LAMB4: variants seen among roughly 807,000 people sequenced by gnomAD.
LAMB4 encodes the protein laminin subunit beta-4.
Under a neutral mutation model 199.2 loss-of-function variants are expected in LAMB4, and 196 were observed. That is an observed-to-expected ratio of 0.98 (90% CI 0.88 to 1.11). The LOEUF (loss-of-function observed/expected upper bound fraction) is 1.11. Among genes scored for constraint, LAMB4 ranks in the 50% least tolerant of loss-of-function variants. The pLI, the probability that LAMB4 is intolerant of heterozygous loss-of-function variation, is 0.00. For synonymous variants in LAMB4, 744 were observed against 770.6 expected (o/e 0.97, Z 0.57); for missense variants, 2,080 against 2,171.2 (o/e 0.96, Z 0.83).
intron 3 of LAMB4, among the ~76,000 whole-genome samples, chr7:108,113,108 G>A (rs1020126362): frequency 6.6e-6 from 1 of 152,104 alleles, no homozygotes; most frequent in Non-Finnish European, 1.5e-5. Context: ...TCATTTCAAA[G>A]AGCCTTTCCC....
At chr7:108,099,348 G>A (rs761608763) in intron 10 of LAMB4, among the ~76,000 whole-genome samples, 2 of 152,196 alleles carry the variant, frequency 1.3e-5, no homozygotes, top group Non-Finnish European at 2.9e-5. Flanking sequence ...CTCAAGGATG[G>A]TGTGTCATAT....
Position 108,057,932 on chromosome 7 carries a change from T to G in LAMB4, c.3283-4A>C. 3 of 1,605,544 alleles carry G rather than the reference T, an allele frequency of 1.9e-6. No individual in the cohort carries two copies. Among genetic ancestry groups the G allele is most frequent in the South Asian group, 1.1e-5 (1 of 90,892 alleles). Reference sequence around the variant, plus strand: ...TACACGGACACTGGCCTGTAAGCTGTGAGAACAGTCATGGGTGAGGAATTG... The same window carrying G: ...TACACGGACACTGGCCTGTAAGCTGGGAGAACAGTCATGGGTGAGGAATTG... On this transcript the variant is annotated splice_polypyrimidine_tract_variant and splice_region_variant and intron_variant, in intron 23 of 33. Coordinates refer to ENST00000388781, the MANE Select transcript of LAMB4 (RefSeq NM_007356.3).
intron 17 of LAMB4, among the ~76,000 whole-genome samples, chr7:108,076,203 C>T (rs1018486959): frequency 6.6e-6 from 1 of 151,794 alleles, no homozygotes; most frequent in African/African-American, 2.4e-5. Context: ...CTTATATGAC[C>T]AGGAGTAGGG....
intron 31 of LAMB4, among the ~76,000 whole-genome samples, chr7:108,032,441 T>A (rs1322808289): frequency 6.6e-6 from 1 of 151,716 alleles, no homozygotes; most frequent in African/African-American, 2.4e-5. Flanking sequence ...TCTTTACACG[T>A]CTGGGGGAAA....
At chr7:108,052,763 G>A (rs2035865855) in intron 25 of LAMB4, among the ~76,000 whole-genome samples, 1 of 152,112 alleles carries the variant, frequency 6.6e-6, no homozygotes, top group Non-Finnish European at 1.5e-5. Flanking sequence ...GTGACAGGGA[G>A]GTTTTCTTGC....
chr7:108,117,472 T>A (rs1404346775), intron 2 of LAMB4, among the ~76,000 whole-genome samples: 14 of 152,202 alleles, frequency 9.2e-5, no homozygotes, highest in African/African-American at 3.1e-4. Context: ...GGAATCTTAC[T>A]GGGGGTTAAG....
chr7:108,125,521 T>C (rs2038747982), intron 1 of LAMB4, among the ~76,000 whole-genome samples: 1 of 152,244 alleles, frequency 6.6e-6, no homozygotes, highest in African/African-American at 2.4e-5. Flanking sequence ...CTACGATTCA[T>C]GGCTTGTAAT....
chr7:108,029,115 T>G lies in LAMB4; in HGVS notation c.5074A>C (p.Lys1692Gln), dbSNP rs200482819. 5.0e-6 allele frequency: 8 copies of G among 1,614,050 alleles called. No individual in the cohort carries two copies. The South Asian group carries it at 8.8e-5, about 18-fold the overall frequency. Residue 1692 changes from lysine to glutamine, a missense_variant, in exon 33 of 34, where the codon AAA becomes CAA. By Grantham distance (53) the Lys-to-Gln change is moderately conservative (BLOSUM62 1). Transcript: ENST00000388781. ...GCCGCATCTTTTAGCTGTTTAACTT[T>G]TCCTAATGTCTCCTTTGTTAGTCCT... ...TTGLTKETLG[K>Q]VKQLKDAAEK... is the part of the protein sequence containing the mutation.
At chr7:108,095,724 T>G (rs1346807880) in intron 11 of LAMB4, among the ~76,000 whole-genome samples, 2 of 152,306 alleles carry the variant, frequency 1.3e-5, no homozygotes, top group South Asian at 4.1e-4. Flanking sequence ...GCATCTGGAA[T>G]CCCACTCTCT....
At chr7:108,115,853 C>A in intron 3 of LAMB4, 151 bp downstream of exon 3, 1 of 799,910 alleles carries the variant, frequency 1.3e-6, no homozygotes. Context: ...CACCAACGCC[C>A]CGTGGATACT....
chr7:108,039,764 C>T (rs1301271830), intron 29 of LAMB4, among the ~76,000 whole-genome samples: 4 of 152,136 alleles, frequency 2.6e-5, no homozygotes, highest in Non-Finnish European at 5.9e-5. Flanking sequence ...CCTCCATGCC[C>T]GGCCAGAAAC....
At chr7:108,112,527 A>T (rs993227755) in intron 3 of LAMB4, among the ~76,000 whole-genome samples, 1 of 152,118 alleles carries the variant, frequency 6.6e-6, no homozygotes, top group Non-Finnish European at 1.5e-5. Flanking sequence ...TCTTGGCCTC[A>T]AGTGATCTGC....
chr7:108,031,020 T>C (rs1368778869), intron 31 of LAMB4, 41 bp from the exon 32 acceptor site: 2 of 1,576,852 alleles, frequency 1.3e-6, no homozygotes, highest in East Asian at 2.3e-5. Context: ...AATCTCTTTA[T>C]GAAACAAACA....
At chr7:108,024,726 C>G (rs767123025) in intron 33 of LAMB4, among the ~76,000 whole-genome samples, 8 of 152,068 alleles carry the variant, frequency 5.3e-5, no homozygotes, top group Non-Finnish European at 1.0e-4. Flanking sequence ...TCCATCCATC[C>G]ATCCATCCAT....
chr7:108,078,225 G>T lies in LAMB4; in HGVS notation c.1979C>A (p.Ser660Tyr), dbSNP rs1353779506. ...IPKTLQSKPQ[S>Y]FALPAATRIM... ...CCTCGTAGCCGCTGGTAAGGCAAAA[G>T]ACTGAGGCTTTGACTGTAGAGTCTT... The change falls in exon 16 of 34, where the codon TCT becomes TAT. Residue 660 changes from serine (S) to tyrosine (Y), a missense_variant. Ser to Tyr is a moderately radical substitution (Grantham distance 144, BLOSUM62 -2). Coordinates refer to ENST00000388781, the MANE Select transcript of LAMB4 (RefSeq NM_007356.3). The T allele has an allele frequency of 2.5e-6, 4 of 1,610,178 alleles. No homozygotes were observed. Among genetic ancestry groups the T allele is most frequent in the South Asian group, 2.2e-5 (2 of 90,046 alleles).
At chr7:108,019,755 G>A (rs1044327233), downstream of LAMB4, among the ~76,000 whole-genome samples, 3 of 152,170 alleles carry the variant, frequency 2.0e-5, no homozygotes, top group Non-Finnish European at 4.4e-5. Flanking sequence ...ATGGATGTCA[G>A]ACAGCAATTT....
intron 2 of LAMB4, among the ~76,000 whole-genome samples, chr7:108,117,972 T>C (rs1036823064): frequency 9.2e-5 from 14 of 152,130 alleles, no homozygotes; most frequent in Non-Finnish European, 1.9e-4. Flanking sequence ...ATGACCTGTA[T>C]CTTGTGCTGA....
intron 17 of LAMB4, chr7:108,075,483 T>G (rs933839058): frequency 1.8e-4 from 27 of 152,374 alleles, no homozygotes; most frequent in African/African-American, 6.0e-4. Flanking sequence ...TTCGTTGGGC[T>G]ATAGTTTGCC....
At chr7:108,069,967 A>G (rs936688522) in intron 17 of LAMB4, 82 bp from the exon 18 acceptor site, 7 of 1,106,690 alleles carry the variant, frequency 6.3e-6, no homozygotes, top group Non-Finnish European at 9.0e-6. Context: ...AATTAGATCT[A>G]TGAAAATAAT....
Sources: allele counts gnomAD v4.1 joint callset (sites outside exome capture counted in the v4.1 genomes callset), GRCh38; gene constraint gnomAD v4.1.1; transcripts MANE v1.5; gene names NCBI Gene and HGNC (gene_info 2026-07-23, HGNC 2026-07-21).